SBF2: variants seen among roughly 807,000 people sequenced by gnomAD.
SBF2 encodes the protein myotubularin-related protein 13.
A neutral mutation model predicts 225.2 loss-of-function variants in SBF2; 112 were observed. The ratio of observed to expected loss-of-function variants is 0.50; its 90% confidence interval spans 0.43 to 0.58. The LOEUF is 0.58. Ranked by LOEUF, SBF2 falls within the 20% of genes least tolerant of loss-of-function variation. The pLI, the probability that SBF2 is intolerant of heterozygous loss-of-function variation, is 0.00. For missense variants in SBF2, 1,996 were observed against 2,206.2 expected, an observed-to-expected ratio of 0.90 and a Z score of 1.91; for synonymous variants, 763 against 773.3, an observed-to-expected ratio of 0.99 and a Z score of 0.22.
At chr11:10,148,675 T>C (rs1328586747) in intron 2 of SBF2, among the ~76,000 whole-genome samples, 1 of 151,856 alleles carries the variant, frequency 6.6e-6, no homozygotes, top group Non-Finnish European at 1.5e-5. Context: ...AAAGAGAAGA[T>C]ATCTGTCCTG....
chr11:9,802,365 G>T (rs544613160), intron 32 of SBF2, among the ~76,000 whole-genome samples: 34 of 152,296 alleles, frequency 2.2e-4, no homozygotes, highest in Non-Finnish European at 3.7e-4. Flanking sequence ...ATATACTGGC[G>T]TAAACAATGG....
intron 6 of SBF2, among the ~76,000 whole-genome samples, chr11:10,023,700 C>T (rs1266475089): frequency 1.3e-5 from 2 of 152,102 alleles, no homozygotes; most frequent in African/African-American, 4.8e-5. Flanking sequence ...CGTATCAATA[C>T]TTCATTCCAT....
chr11:9,973,450 C>T (rs561929199), intron 13 of SBF2, among the ~76,000 whole-genome samples: 21 of 152,284 alleles, frequency 1.4e-4, no homozygotes, highest in African/African-American at 5.1e-4. Flanking sequence ...GTGAACCTGG[C>T]AACATTTTTT....
intron 2 of SBF2, among the ~76,000 whole-genome samples, chr11:10,104,848 T>C (rs933298063): frequency 1.3e-5 from 2 of 152,202 alleles, no homozygotes; most frequent in Non-Finnish European, 2.9e-5. Context: ...TTGTGGAGCA[T>C]CTCATGCTAT....
At chr11:10,049,702 A>T (rs1255525723) in intron 2 of SBF2, among the ~76,000 whole-genome samples, 4 of 152,170 alleles carry the variant, frequency 2.6e-5, no homozygotes, top group African/African-American at 9.7e-5. Flanking sequence ...TGACAGTATA[A>T]AGGGTACTGA....
chr11:10,131,307 C>A (rs796760808), intron 2 of SBF2, among the ~76,000 whole-genome samples: 8 of 152,028 alleles, frequency 5.3e-5, no homozygotes, highest in African/African-American at 1.9e-4. Flanking sequence ...CTCACTGCAG[C>A]CTTGACCTCC....
At chr11:10,270,990 G>A (rs1380637949) in intron 1 of SBF2, among the ~76,000 whole-genome samples, 3 of 76,264 alleles carry the variant, frequency 3.9e-5, no homozygotes, top group African/African-American at 5.7e-5. Context: ...GCAAGACTCT[G>A]TCTCAAAAAA....
At chr11:10,195,046 T>C (rs1390701572) in intron 1 of SBF2, among the ~76,000 whole-genome samples, 2 of 152,250 alleles carry the variant, frequency 1.3e-5, no homozygotes, top group African/African-American at 2.4e-5. Flanking sequence ...ATACTGTTAC[T>C]GGTTAAAGTT....
intron 6 of SBF2, among the ~76,000 whole-genome samples, chr11:10,021,294 C>T (rs1003271395): frequency 2.0e-5 from 3 of 152,056 alleles, no homozygotes; most frequent in Non-Finnish European, 2.9e-5. Context: ...CAAGTTTAAA[C>T]GGGTATGGAT....
At chr11:9,836,716 A>G (rs971654695) in intron 26 of SBF2, among the ~76,000 whole-genome samples, 2 of 152,166 alleles carry the variant, frequency 1.3e-5, no homozygotes, top group Non-Finnish European at 2.9e-5. Flanking sequence ...AGAACCTGAA[A>G]TATCTACTTA....
chr11:10,304,636 C>G (rs1226834517), exon 1 of SBF2: 1 of 152,130 alleles, frequency 6.6e-6, no homozygotes, highest in African/African-American at 2.4e-5. Flanking sequence ...CAGGGGGGCG[C>G]GGTCCACTTG....
chr11:10,176,545 A>G (rs1956472516), intron 2 of SBF2, among the ~76,000 whole-genome samples: 1 of 152,126 alleles, frequency 6.6e-6, no homozygotes, highest in Non-Finnish European at 1.5e-5. Flanking sequence ...AACTACCATC[A>G]GAGAATACTA....
intron 13 of SBF2, among the ~76,000 whole-genome samples, chr11:9,982,994 G>A (rs972102588): frequency 2.6e-5 from 4 of 152,208 alleles, no homozygotes; most frequent in Admixed American, 2.6e-4. Context: ...GGTGGCCAGA[G>A]GAGCAGCAGG....
intron 6 of SBF2, among the ~76,000 whole-genome samples, chr11:10,025,991 G>C (rs978921897): frequency 3.3e-5 from 5 of 151,850 alleles, no homozygotes; most frequent in Admixed American, 1.3e-4. Context: ...TACTGGAAGA[G>C]AGCTTTGGGT....
chr11:9,840,276 C>T (rs974715382), intron 25 of SBF2, among the ~76,000 whole-genome samples: 20 of 150,824 alleles, frequency 1.3e-4, no homozygotes, highest in African/African-American at 4.9e-4. Context: ...AACAAACCCG[C>T]TACTTTTGAA....
At chr11:9,878,606 T>A (rs1196359372) in intron 17 of SBF2, among the ~76,000 whole-genome samples, 1 of 152,218 alleles carries the variant, frequency 6.6e-6, no homozygotes, top group Non-Finnish European at 1.5e-5. Context: ...GTCTTGCACA[T>A]CTTGGCATCA....
At chr11:10,280,014 T>C (rs1963291738) in intron 1 of SBF2, among the ~76,000 whole-genome samples, 1 of 152,222 alleles carries the variant, frequency 6.6e-6, no homozygotes, top group African/African-American at 2.4e-5. Context: ...TCTGAAATGT[T>C]TGGCATCAGA....
intron 2 of SBF2, among the ~76,000 whole-genome samples, chr11:10,151,881 C>G (rs1337729886): frequency 1.3e-5 from 2 of 152,174 alleles, no homozygotes; most frequent in Admixed American, 6.5e-5. Context: ...GAATAGTCAA[C>G]ATTAATCAAC....
intron 2 of SBF2, among the ~76,000 whole-genome samples, chr11:10,106,192 C>G (rs1350727349): frequency 1.3e-5 from 2 of 152,126 alleles, no homozygotes; most frequent in Non-Finnish European, 2.9e-5. Context: ...TTCCTCACTT[C>G]CCTCTGTAGT....
Sources: allele counts gnomAD v4.1 joint callset (sites outside exome capture counted in the v4.1 genomes callset), GRCh38; gene constraint gnomAD v4.1.1; transcripts MANE v1.5; gene names NCBI Gene and HGNC (gene_info 2026-07-23, HGNC 2026-07-21).